PC: variants seen among roughly 807,000 people sequenced by gnomAD.
The protein encoded by PC is pyruvate carboxylase.
In PC, 46 loss-of-function variants were observed where a neutral mutation model predicts 107.8. The ratio of observed to expected loss-of-function variants is 0.43; its 90% CI spans 0.34 to 0.55. PC has a LOEUF of 0.55. Ranked by LOEUF, PC falls within the 20% of genes least tolerant of loss-of-function variation. PC has a pLI of 0.04. For missense variants in PC, 1,241 were observed against 1,643.1 expected (o/e 0.76, Z 4.23); for synonymous variants, 662 against 684.7 (o/e 0.97, Z 0.52).
Position 66,857,142 on chromosome 11 carries a change from G to A in PC, c.1369-3759C>T, listed in dbSNP as rs1945904344. On this transcript the variant is annotated intron_variant, in intron 12 of 22. Transcript: ENST00000393960. This position sits in a 1 kb window ranked among gnomAD's most constrained non-coding sequence, Gnocchi z 7.1. Reference sequence around the variant, plus strand: ...AAAGGTGCCGGGAACCGAGCGAGCCGGGGCCGCGGGCCCGAGCGCCATGGG... The same window carrying A: ...AAAGGTGCCGGGAACCGAGCGAGCCAGGGCCGCGGGCCCGAGCGCCATGGG... The A allele has an allele frequency of 6.7e-6, 1 of 148,298 alleles. No individual in the cohort carries two copies. The highest frequency in any genetic ancestry group is 6.7e-5 in the Admixed American group (1 of 14,914). 9.2% of individuals were successfully genotyped at this position (148,298 alleles called of 1,614,324 possible). A position where few individuals can be genotyped will look rare whatever the true frequency, so the allele number is the denominator to read the frequency against.
intron 3 of PC, among the ~76,000 whole-genome samples, chr11:66,886,815 TAA>T (rs1947382974): frequency 6.6e-6 from 1 of 152,234 alleles, no homozygotes; most frequent in East Asian, 1.9e-4. Context: ...GTCTCCTGTG[TAA>T]AGAGTTCTGA....
chr11:66,849,157 CAG>C lies in PC; in HGVS notation c.3289-12_3289-11del. On this transcript the variant is annotated splice_polypyrimidine_tract_variant and intron_variant, in intron 22 of 22. Transcript: ENST00000393960. ...GGTGGAAGTGCATCTCCTGAAGACA[CAG>C]GGCAGAGGGGACATGACATCCTGGG... The C allele has an allele frequency of 6.2e-7, 1 of 1,613,874 alleles. No homozygotes were observed. Among genetic ancestry groups the C allele is most frequent in the Non-Finnish European group, 8.5e-7 (1 of 1,180,038 alleles).
intron 3 of PC, among the ~76,000 whole-genome samples, chr11:66,885,082 G>T (rs542098987): frequency 2.0e-5 from 3 of 152,286 alleles, no homozygotes; most frequent in African/African-American, 7.2e-5. Context: ...TGGGGACTTC[G>T]GGACCTGTCA....
Position 66,870,374 on chromosome 11 carries a change from A to G in PC, c.831T>C (p.Ile277=), listed in dbSNP as rs751215920. The stretch of plus-strand genomic sequence containing the variant: ...GCGGGTCCAGGTGGGCGGCGGGGGC[A>G]ATCTCGACCACCTTCTGGTGCCGCC... The part of the protein sequence containing the change: ...IQRRHQKVVE[I]APAAHLDPQL... Residue 277 remains isoleucine (I), a synonymous_variant, in exon 9 of 23, where the codon ATT becomes ATC. Transcript: ENST00000393960. The surrounding 1 kb of genome is among the most constrained non-coding windows in gnomAD (Gnocchi z 6.1). 1 of 1,613,600 alleles carries G rather than the reference A, an allele frequency of 6.2e-7. No individual in the cohort carries two copies. Among genetic ancestry groups the G allele is most frequent in the Non-Finnish European group, 8.5e-7 (1 of 1,179,982 alleles).
chr11:66,860,008 G>C, intron 12 of PC: 1 of 1,592,356 alleles, frequency 6.3e-7, no homozygotes, highest in South Asian at 1.1e-5. Flanking sequence ...CACCCGCCGC[G>C]GAGCCCCCCG....
intron 3 of PC, among the ~76,000 whole-genome samples, chr11:66,896,720 T>C (rs1407167438): frequency 6.6e-6 from 1 of 152,174 alleles, no homozygotes. Context: ...ACCTGAAGCC[T>C]AACCCACACC....
In PC at chr11:66,849,826, G is replaced by A; in HGVS notation, c.2932C>T (p.Pro978Ser). ...LKDLPRVEGR[P>S]GASLPPLDLQ... is the part of the protein sequence containing the mutation. ...TCCAGGGGAGGGAGGGAGGCTCCAGGCCGCCCCTCCACCCTTGGCAGGTCC... is the reference window on the plus strand; with the variant it reads ...TCCAGGGGAGGGAGGGAGGCTCCAGACCGCCCCTCCACCCTTGGCAGGTCC... Residue 978 changes from proline (P) to serine (S), a missense_variant, in exon 21 of 23, where the codon CCT becomes TCT. This residue lies in a region of PC where 1,143 missense variants were observed against 1,551.9 expected (regional missense o/e 0.74). Transcript: ENST00000393960. 6.2e-7 allele frequency: 1 copy of A among 1,613,832 alleles called. No homozygotes were observed.
chr11:66,909,166 G>A (rs1186257862), intron 3 of PC, among the ~76,000 whole-genome samples: 1 of 152,208 alleles, frequency 6.6e-6, no homozygotes, highest in Non-Finnish European at 1.5e-5. Context: ...CAGGCACCGG[G>A]TGCCTCTTCC....
chr11:66,938,813 A>G (rs1053634713), intron 3 of PC, among the ~76,000 whole-genome samples: 2 of 152,234 alleles, frequency 1.3e-5, no homozygotes, highest in Admixed American at 6.5e-5. Flanking sequence ...AGGCTACATC[A>G]TATGACACAG....
chr11:66,869,448 A>G (rs1288040562), intron 9 of PC, among the ~76,000 whole-genome samples: 6 of 151,948 alleles, frequency 3.9e-5, no homozygotes, highest in Non-Finnish European at 7.4e-5. Flanking sequence ...CCAACAGATA[A>G]TGACTCTAAC....
At position 66,919,007 on chromosome 11, in the gene PC, GGA is replaced by G. The variant is rs1357895925; in HGVS notation, c.-1+33421_-1+33422del. Among the ~76,000 whole-genome samples the G allele has an allele frequency of 2.0e-5, 3 of 152,300 alleles. No homozygotes were observed. The East Asian group carries it at 5.8e-4, about 29-fold the overall frequency. ...CACCCATATCAACAAGAGGGTTTCT[GGA>G]GAGTCCCTGAAGACTCACATAATCC... On this transcript the variant is annotated intron_variant, in intron 3 of 22. Coordinates refer to ENST00000393960, the MANE Select transcript of PC (RefSeq NM_001040716.2).
chr11:66,878,863 A>C (rs1453289636), intron 3 of PC, among the ~76,000 whole-genome samples: 1 of 152,210 alleles, frequency 6.6e-6, no homozygotes, highest in Non-Finnish European at 1.5e-5. Context: ...CCTCTGGGGC[A>C]CAGCCCAGCG....
intron 11 of PC, among the ~76,000 whole-genome samples, chr11:66,865,416 C>T (rs868737549): frequency 3.3e-5 from 5 of 152,248 alleles, no homozygotes; most frequent in African/African-American, 7.2e-5. Context: ...ACAGCTGGCA[C>T]GGTGCTGGCA....
chr11:66,954,897 G>T (rs1242838490), intron 1 of PC, among the ~76,000 whole-genome samples: 1 of 151,906 alleles, frequency 6.6e-6, no homozygotes, highest in Non-Finnish European at 1.5e-5. Context: ...GAGCCAAGAT[G>T]GTGCCACTGT....
intron 3 of PC, among the ~76,000 whole-genome samples, chr11:66,938,896 T>C (rs1297682698): frequency 6.6e-6 from 1 of 152,220 alleles, no homozygotes; most frequent in Non-Finnish European, 1.5e-5. Context: ...TATCACCTCA[T>C]ATGTTTGCAC....
intron 3 of PC, among the ~76,000 whole-genome samples, chr11:66,938,426 C>T (rs1739866991): frequency 6.6e-6 from 1 of 152,138 alleles, no homozygotes; most frequent in Admixed American, 6.6e-5. Flanking sequence ...AAGAGGTTTT[C>T]ATCCCCCAAA....
At chr11:66,944,003 C>G (rs940028880) in intron 3 of PC, among the ~76,000 whole-genome samples, 26 of 144,486 alleles carry the variant, frequency 1.8e-4, no homozygotes, top group African/African-American at 5.8e-4. Flanking sequence ...AACAAAAGGC[C>G]GGGCACAGTG....
chr11:66,852,046 C>T lies in PC; in HGVS notation c.1826-100G>A, dbSNP rs1287624995. ...CAGCACAAGCCTCTGGCCCCAATAC[C>T]AGGTCCTGCTCATCTTCGCCATACC... On this transcript the variant is annotated intron_variant, in intron 15 of 22. Coordinates refer to ENST00000393960, the MANE Select transcript of PC (RefSeq NM_001040716.2). This position sits in a 1 kb window ranked among gnomAD's most constrained non-coding sequence, Gnocchi z 4.7. The T allele has an allele frequency of 6.5e-6, 8 of 1,238,838 alleles. No individual in the cohort carries two copies. In the Admixed American group the frequency reaches 1.6e-4, roughly 24 times the overall value. 76.7% of individuals were successfully genotyped at this position (1,238,838 alleles called of 1,614,324 possible).
rs544538061 is a variant in PC, at chr11:66,912,891, T to C, written c.-1+39539A>G. 3.9e-5 allele frequency among the ~76,000 whole-genome samples: 6 copies of C among 152,164 alleles called. No homozygotes were observed. In the South Asian group the frequency reaches 1.2e-3, roughly 32 times the overall value. ...ATTCCCTTCCTGCCATTTAGCCCCC[T>C]AGTTCAATGTTAACGAAGGGCTTCC... On this transcript the variant is annotated intron_variant, in intron 3 of 22. Coordinates refer to ENST00000393960, the MANE Select transcript of PC (RefSeq NM_001040716.2).
Sources: allele counts gnomAD v4.1 joint callset (sites outside exome capture counted in the v4.1 genomes callset), GRCh38; gene constraint gnomAD v4.1.1; regional missense constraint gnomAD v4.1.1; non-coding constraint Gnocchi (gnomAD v3.1); transcripts MANE v1.5; gene names NCBI Gene and HGNC (gene_info 2026-07-23, HGNC 2026-07-21).